Variants in EXOC6B observed in about 807,000 individuals in gnomAD.
EXOC6B encodes the protein SEC15 homolog B.
A neutral mutation model predicts 113.5 loss-of-function variants in EXOC6B; 54 were observed. That is an observed-to-expected ratio of 0.48 (90% CI 0.38 to 0.60). The LOEUF (loss-of-function observed/expected upper bound fraction) is 0.60. EXOC6B is among the 20% of genes least tolerant of loss of function. The pLI, the probability that EXOC6B is intolerant of heterozygous loss-of-function variation, is 0.00. For synonymous variants in EXOC6B, 357 were observed against 339.0 expected, an observed-to-expected ratio of 1.05 and a Z score of -0.58; for missense variants, 797 against 977.5, an observed-to-expected ratio of 0.82 and a Z score of 2.46.
chr2:72,793,416 G>A (rs1050838015), intron 1 of EXOC6B, among the ~76,000 whole-genome samples: 3 of 152,102 alleles, frequency 2.0e-5, no homozygotes, highest in Non-Finnish European at 4.4e-5. Context: ...ATCCCAAATC[G>A]TACTATCATG....
chr2:72,656,324 CAT>C lies in EXOC6B; in HGVS notation c.669+61777_669+61778del, dbSNP rs576007462. On this transcript the variant is annotated intron_variant, in intron 6 of 21. Transcript: ENST00000272427. The stretch of plus-strand genomic sequence containing the variant: ...AAAACTGGATAATCTTTTGTGAAAA[CAT>C]ATATTATCAGATTTCTATCTCATAC... 3.2e-4 allele frequency among the ~76,000 whole-genome samples: 48 copies of C among 152,038 alleles called. 1 individual carries two copies. The highest frequency in any genetic ancestry group is 9.9e-4 in the African/African-American group (41 of 41,530).
intron 6 of EXOC6B, among the ~76,000 whole-genome samples, chr2:72,698,359 A>G (rs577771223): frequency 8.7e-4 from 132 of 152,300 alleles, no homozygotes; most frequent in Non-Finnish European, 1.7e-3. Context: ...TCTCTATGAC[A>G]TTGGTTAAGA....
chr2:72,387,587 A>C (rs1285513460), intron 18 of EXOC6B, among the ~76,000 whole-genome samples: 2 of 152,060 alleles, frequency 1.3e-5, no homozygotes, highest in African/African-American at 4.8e-5. Flanking sequence ...AATTTGTGTA[A>C]TTCAAAGAAT....
chr2:72,492,533 G>C, intron 15 of EXOC6B, 104 bp from the exon 16 acceptor site: 2 of 624,458 alleles, frequency 3.2e-6, no homozygotes, highest in South Asian at 4.3e-5. Context: ...AATAATAATA[G>C]CAGCAGCAAA....
chr2:72,489,627 G>A (rs895604751), intron 16 of EXOC6B, among the ~76,000 whole-genome samples: 3 of 152,058 alleles, frequency 2.0e-5, no homozygotes, highest in Admixed American at 2.0e-4. Context: ...TTGCCCAAGG[G>A]CACAGCTATT....
In EXOC6B at chr2:72,224,994, G is replaced by GTGTGTGTGTATATATATATATATA. The variant is rs908047817; in HGVS notation, c.2197-40808_2197-40807insTATATATATATATATACACACACA. On this transcript the variant is annotated intron_variant, in intron 20 of 21. Transcript: ENST00000272427. ...CATCTCTCTCTGTATGTGTGTGTGT[G>GTGTGTGTGTATATATATATATATA]TATATATATATAAATACACATACTT... 1.5e-3 allele frequency among the ~76,000 whole-genome samples: 207 copies of GTGTGTGTGTATATATATATATATA among 137,308 alleles called. 1 individual carries two copies. Among genetic ancestry groups the GTGTGTGTGTATATATATATATATA allele is most frequent in the Non-Finnish European group, 2.8e-3 (177 of 62,268 alleles). The allele number at this position is 137,308 out of a possible 152,430, so 90.1% of individuals were successfully genotyped here. A position where few individuals can be genotyped will look rare whatever the true frequency, so the allele number is the denominator to read the frequency against.
intron 1 of EXOC6B, among the ~76,000 whole-genome samples, chr2:72,822,483 AAAGT>A (rs1318452727): frequency 1.3e-5 from 2 of 152,200 alleles, no homozygotes; most frequent in African/African-American, 4.8e-5. Context: ...GCTCAAAACT[AAAGT>A]AATAACAGTA....
intron 1 of EXOC6B, among the ~76,000 whole-genome samples, chr2:72,822,450 A>C (rs1296426156): frequency 6.6e-6 from 1 of 152,200 alleles, no homozygotes; most frequent in Non-Finnish European, 1.5e-5. Flanking sequence ...GATAGATGGG[A>C]ATCTACCAAC....
At chr2:72,638,652 C>T (rs1327598859) in intron 6 of EXOC6B, among the ~76,000 whole-genome samples, 1 of 152,172 alleles carries the variant, frequency 6.6e-6, no homozygotes, top group East Asian at 1.9e-4. Flanking sequence ...TCTGGAACCC[C>T]GGCAGGAGGA....
intron 6 of EXOC6B, among the ~76,000 whole-genome samples, chr2:72,621,486 A>T (rs970013975): frequency 1.3e-5 from 2 of 152,136 alleles, no homozygotes; most frequent in Non-Finnish European, 2.9e-5. Context: ...TGGGAAAAAT[A>T]AACACTGTGG....
chr2:72,559,633 G>A, intron 7 of EXOC6B, 112 bp from the exon 8 acceptor site: 1 of 725,268 alleles, frequency 1.4e-6, no homozygotes, highest in South Asian at 2.3e-5. Flanking sequence ...GTTCTAGCTT[G>A]TAAGTGAGAA....
At chr2:72,441,926 A>C (rs1696225860) in intron 18 of EXOC6B, among the ~76,000 whole-genome samples, 1 of 152,256 alleles carries the variant, frequency 6.6e-6, no homozygotes. Context: ...TCCTGATAGC[A>C]AAACCTGGCA....
At chr2:72,707,820 A>G (rs978104723) in intron 6 of EXOC6B, among the ~76,000 whole-genome samples, 9 of 152,180 alleles carry the variant, frequency 5.9e-5, no homozygotes, top group African/African-American at 9.7e-5. Context: ...TACTCAATAC[A>G]TATTTCATGA....
In EXOC6B at chr2:72,465,147, A is replaced by C. The variant is rs747815795; in HGVS notation, c.1980+13T>G. On this transcript the variant is annotated intron_variant, in intron 18 of 21. Coordinates refer to ENST00000272427, the MANE Select transcript of EXOC6B (RefSeq NM_015189.3). The stretch of plus-strand genomic sequence containing the variant: ...TTTATATATAAAGGACAAAGTAAGC[A>C]ACTGCCACTTACAGGAAGGTGTGTG... 2.2e-5 allele frequency: 33 copies of C among 1,475,672 alleles called. No individual in the cohort carries two copies. In the Middle Eastern group the frequency reaches 5.1e-4, roughly 23 times the overall value. 91.4% of individuals were successfully genotyped at this position (1,475,672 alleles called of 1,614,324 possible). A position where few individuals can be genotyped will look rare whatever the true frequency, so the allele number is the denominator to read the frequency against.
intron 8 of EXOC6B, among the ~76,000 whole-genome samples, chr2:72,523,497 G>A (rs1701594227): frequency 6.6e-6 from 1 of 152,122 alleles, no homozygotes; most frequent in Admixed American, 6.5e-5. Flanking sequence ...TAAGATTTAC[G>A]GCTGGGCGCG....
At chr2:72,740,733 T>C (rs1409017128) in intron 2 of EXOC6B, among the ~76,000 whole-genome samples, 3 of 152,182 alleles carry the variant, frequency 2.0e-5, no homozygotes, top group Non-Finnish European at 4.4e-5. Context: ...CAAACTGAGT[T>C]TCTGTTTAAA....
At chr2:72,403,817 C>A (rs1318126074) in intron 18 of EXOC6B, among the ~76,000 whole-genome samples, 2 of 152,158 alleles carry the variant, frequency 1.3e-5, no homozygotes, top group Non-Finnish European at 2.9e-5. Context: ...GCATTTCCAA[C>A]TGAGGTACCG....
At chr2:72,406,326 T>C (rs1399288294) in intron 18 of EXOC6B, among the ~76,000 whole-genome samples, 1 of 151,964 alleles carries the variant, frequency 6.6e-6, no homozygotes, top group East Asian at 1.9e-4. Flanking sequence ...TATCCAGGAA[T>C]TGAACTCAGC....
At chr2:72,695,816 C>G (rs1220457706) in intron 6 of EXOC6B, among the ~76,000 whole-genome samples, 2 of 152,078 alleles carry the variant, frequency 1.3e-5, no homozygotes, top group African/African-American at 2.4e-5. Flanking sequence ...GAAGGCTAGC[C>G]TAGATCTTTG....
Sources: allele counts gnomAD v4.1 joint callset (sites outside exome capture counted in the v4.1 genomes callset), GRCh38; gene constraint gnomAD v4.1.1; transcripts MANE v1.5; gene names NCBI Gene and HGNC (gene_info 2026-07-23, HGNC 2026-07-21).